TMPRSS11F: variants seen among roughly 807,000 people sequenced by gnomAD.
The protein encoded by TMPRSS11F is transmembrane serine protease 11F.
In TMPRSS11F, 47 loss-of-function variants were observed where a neutral mutation model predicts 60.2. The observed-to-expected ratio is 0.78, with a 90% CI of 0.62 to 1.00. The LOEUF is 1.00. TMPRSS11F is among the 50% of genes least tolerant of loss of function. The pLI is 0.00. For synonymous variants in TMPRSS11F, 166 were observed against 167.3 expected (o/e 0.99, Z 0.06); for missense variants, 519 against 522.9 (o/e 0.99, Z 0.07).
At chr4:68,073,485 G>A (rs1723520941) in intron 4 of TMPRSS11F, among the ~76,000 whole-genome samples, 1 of 151,910 alleles carries the variant, frequency 6.6e-6, no homozygotes, top group Non-Finnish European at 1.5e-5. Context: ...AGTCAAGAAG[G>A]TATGAAAGAA....
chr4:68,081,383 T>C (rs930935403), intron 3 of TMPRSS11F, among the ~76,000 whole-genome samples: 2 of 152,220 alleles, frequency 1.3e-5, no homozygotes, highest in Non-Finnish European at 2.9e-5. Flanking sequence ...ATAGAACATA[T>C]GGAAAAATTC....
At chr4:68,109,264 C>T (rs892538868) in intron 1 of TMPRSS11F, among the ~76,000 whole-genome samples, 11 of 151,974 alleles carry the variant, frequency 7.2e-5, no homozygotes, top group South Asian at 2.1e-4. Context: ...ACTCCAGTAC[C>T]AGTACTGGAG....
intron 1 of TMPRSS11F, among the ~76,000 whole-genome samples, chr4:68,116,584 TTTCATAGTATACTA>T (rs1724524333): frequency 6.6e-6 from 1 of 152,132 alleles, no homozygotes; most frequent in South Asian, 2.1e-4. Context: ...CACTCCCTGA[TTTCATAGTATACTA>T]CAAAGCCATA....
intron 1 of TMPRSS11F, among the ~76,000 whole-genome samples, chr4:68,118,377 A>G (rs921577833): frequency 1.3e-5 from 2 of 152,164 alleles, no homozygotes; most frequent in Non-Finnish European, 2.9e-5. Flanking sequence ...TTCAAACTGT[A>G]TTATAACACA....
intron 1 of TMPRSS11F, among the ~76,000 whole-genome samples, chr4:68,102,066 A>G (rs991309183): frequency 3.9e-5 from 6 of 152,086 alleles, no homozygotes; most frequent in Admixed American, 1.3e-4. Context: ...CATCTAAGAG[A>G]TAATGCAATA....
intron 1 of TMPRSS11F, among the ~76,000 whole-genome samples, chr4:68,122,733 T>C (rs1724644983): frequency 6.6e-6 from 1 of 152,216 alleles, no homozygotes; most frequent in Admixed American, 6.5e-5. Flanking sequence ...TTACTTGACA[T>C]TTATTAAATT....
At position 68,069,973 on chromosome 4, in the gene TMPRSS11F, G is replaced by A. The variant is rs768387896; in HGVS notation, c.549C>T (p.Asn183=). 7 of 1,604,750 alleles carry A rather than the reference G, an allele frequency of 4.4e-6. No homozygotes were observed. The highest frequency in any genetic ancestry group is 6.0e-6 in the Non-Finnish European group (7 of 1,175,250). ...IDSKKMRNLL[N]SRCGIRMTSS... is the part of the protein sequence containing the mutation. The stretch of plus-strand genomic sequence containing the variant: ...ATTGTGGGTTTTGGAACTTACGACT[G>A]TTGAGAAGATTCCTCATCTTTTTGC... Residue 183 remains asparagine, a synonymous_variant, in exon 6 of 10, where the codon AAC becomes AAT. Transcript: ENST00000356291.
chr4:68,107,449 G>A (rs1276891881), intron 1 of TMPRSS11F, among the ~76,000 whole-genome samples: 1 of 152,158 alleles, frequency 6.6e-6, no homozygotes, highest in East Asian at 1.9e-4. Flanking sequence ...TATCTAAGTG[G>A]AGACATGAAC....
chr4:68,098,733 G>A (rs1724128742), intron 2 of TMPRSS11F, among the ~76,000 whole-genome samples, 154 bp downstream of exon 2: 1 of 152,134 alleles, frequency 6.6e-6, no homozygotes, highest in Non-Finnish European at 1.5e-5. Context: ...GTAACACAGA[G>A]CTCAATACAG....
At chr4:68,120,417 C>A (rs1312241046) in intron 1 of TMPRSS11F, among the ~76,000 whole-genome samples, 1 of 141,836 alleles carries the variant, frequency 7.1e-6, no homozygotes, top group Non-Finnish European at 1.5e-5. Context: ...GAGACGGAGT[C>A]TCGCTCTGTC....
chr4:68,123,684 G>A (rs1724663640), intron 1 of TMPRSS11F, among the ~76,000 whole-genome samples: 1 of 152,150 alleles, frequency 6.6e-6, no homozygotes. Context: ...TGATAAAAGG[G>A]AGGGGAAGGT....
chr4:68,116,171 A>C (rs1724515472), intron 1 of TMPRSS11F, among the ~76,000 whole-genome samples: 1 of 152,118 alleles, frequency 6.6e-6, no homozygotes, highest in African/African-American at 2.4e-5. Flanking sequence ...TCTTACCTTA[A>C]AGTAGAAAAT....
chr4:68,079,316 G>A (rs1194758704), intron 3 of TMPRSS11F, among the ~76,000 whole-genome samples: 8 of 152,054 alleles, frequency 5.3e-5, no homozygotes, highest in Admixed American at 5.2e-4. Context: ...TAGATCTTGT[G>A]TTAAGCGCAT....
chr4:68,068,932 T>C (rs1489191426), intron 6 of TMPRSS11F, 113 bp from the exon 7 acceptor site: 1 of 1,059,574 alleles, frequency 9.4e-7, no homozygotes, highest in African/African-American at 1.6e-5. Flanking sequence ...GAACCATTCA[T>C]AGCACTCAGC....
At chr4:68,085,488 C>T (rs563098936) in intron 3 of TMPRSS11F, among the ~76,000 whole-genome samples, 9 of 152,262 alleles carry the variant, frequency 5.9e-5, no homozygotes, top group South Asian at 2.1e-4. Context: ...CATTTAAGTA[C>T]GTAGCCCACA....
intron 3 of TMPRSS11F, among the ~76,000 whole-genome samples, chr4:68,086,983 A>C (rs559318637): frequency 2.0e-5 from 3 of 152,294 alleles, no homozygotes; most frequent in Admixed American, 6.5e-5. Context: ...AATTATTCCC[A>C]AAAAATCAGG....
At chr4:68,072,062 C>T (rs909140611) in intron 5 of TMPRSS11F, among the ~76,000 whole-genome samples, 2 of 150,932 alleles carry the variant, frequency 1.3e-5, no homozygotes, top group Admixed American at 1.3e-4. Context: ...TTTGTAAGGA[C>T]CCAATAACAT....
intron 1 of TMPRSS11F, among the ~76,000 whole-genome samples, chr4:68,125,704 CT>C (rs1300199286): frequency 6.6e-6 from 1 of 152,062 alleles, no homozygotes; most frequent in African/African-American, 2.4e-5. Context: ...ACACAATATC[CT>C]TTTTTAAAGA....
chr4:68,096,676 G>T (rs1297938647), intron 2 of TMPRSS11F, among the ~76,000 whole-genome samples: 1 of 151,934 alleles, frequency 6.6e-6, no homozygotes, highest in African/African-American at 2.4e-5. Flanking sequence ...GTGGATAATT[G>T]GTCAGAATTA....
Sources: gnomAD v4.1 joint callset for allele counts (sites outside exome capture counted in the v4.1 genomes callset) on GRCh38, gnomAD v4.1.1 for gene constraint, MANE v1.5 for transcripts, NCBI Gene and HGNC (gene_info 2026-07-23, HGNC 2026-07-21) for gene names.